Variants in FUT8 observed in about 807,000 individuals in gnomAD.
FUT8 encodes fucosyltransferase 8.
A neutral mutation model predicts 71.3 loss-of-function variants in FUT8; 29 were observed. That is an observed-to-expected ratio of 0.41 (90% CI 0.30 to 0.55). The LOEUF (loss-of-function observed/expected upper bound fraction) is 0.55, where lower values mean the gene tolerates loss of function less well. Ranked by LOEUF, FUT8 falls within the 20% of genes least tolerant of loss-of-function variation. The pLI is 0.34. For missense variants in FUT8, 544 were observed against 702.1 expected, an observed-to-expected ratio of 0.77 and a Z score of 2.55; for synonymous variants, 254 against 239.3, an observed-to-expected ratio of 1.06 and a Z score of -0.57.
At chr14:65,725,721 G>A (rs1419498951) in intron 9 of FUT8, among the ~76,000 whole-genome samples, 1 of 152,066 alleles carries the variant, frequency 6.6e-6, no homozygotes, top group Non-Finnish European at 1.5e-5. Context: ...AATATTAAAT[G>A]GTATTGATTT....
At chr14:65,671,604 A>C (rs577256573) in intron 7 of FUT8, among the ~76,000 whole-genome samples, 1 of 152,206 alleles carries the variant, frequency 6.6e-6, no homozygotes, top group Non-Finnish European at 1.5e-5. Flanking sequence ...AGAATAATCT[A>C]CCATCATTAC....
chr14:65,704,698 T>C (rs1387529595), intron 7 of FUT8, among the ~76,000 whole-genome samples: 1 of 152,234 alleles, frequency 6.6e-6, no homozygotes, highest in Non-Finnish European at 1.5e-5. Flanking sequence ...TTTATATGTT[T>C]ATAAGTTAAA....
At chr14:65,717,183 C>T (rs1411913211) in intron 7 of FUT8, among the ~76,000 whole-genome samples, 10 of 108,578 alleles carry the variant, frequency 9.2e-5, no homozygotes, top group Non-Finnish European at 1.5e-4. Context: ...ACCTCCCAGA[C>T]GGGGCGGCCG....
At chr14:65,360,176 A>C in the FUT8 span, among the ~76,000 whole-genome samples, 1 of 152,198 alleles carries the variant, frequency 6.6e-6, no homozygotes, top group Non-Finnish European at 1.5e-5. Flanking sequence ...GCCCTCATGC[A>C]TCCTCTGATA....
chr14:65,511,933 T>C (rs1327134561), intron 2 of FUT8, among the ~76,000 whole-genome samples: 1 of 152,156 alleles, frequency 6.6e-6, no homozygotes, highest in African/African-American at 2.4e-5. Context: ...TTCCTGCCAT[T>C]TTGTAATTTG....
Position 65,742,348 on chromosome 14 carries a change from T to A in FUT8, c.1666T>A (p.Tyr556Asn). Residue 556 changes from tyrosine (Y) to asparagine (N), a missense_variant, in exon 11 of 11, where the codon TAC becomes AAC. Coordinates refer to ENST00000673929, the MANE Select transcript of FUT8 (RefSeq NM_001371533.1). ...GGGAAGGACGGGCCTATATCCCTCCTACAAAGTTCGAGAGAAGATAGAAAC... is the reference window on the plus strand; with the variant it reads ...GGGAAGGACGGGCCTATATCCCTCCAACAAAGTTCGAGAGAAGATAGAAAC... ...KLGRTGLYPS[Y>N]KVREKIETVK... 6.2e-7 allele frequency: 1 copy of A among 1,612,766 alleles called. No individual in the cohort carries two copies. Among genetic ancestry groups the A allele is most frequent in the Non-Finnish European group, 8.5e-7 (1 of 1,179,220 alleles).
the FUT8 span, among the ~76,000 whole-genome samples, chr14:65,385,761 C>G: frequency 1.2e-4 from 18 of 152,078 alleles, no homozygotes; most frequent in Non-Finnish European, 2.2e-4. Flanking sequence ...AGGCTGGTCT[C>G]AAACTCCTGG....
chr14:65,506,485 G>T (rs1268702676), intron 2 of FUT8, among the ~76,000 whole-genome samples: 4 of 152,100 alleles, frequency 2.6e-5, no homozygotes, highest in Non-Finnish European at 1.5e-5. Flanking sequence ...GCTTTCTACT[G>T]TTTTTTATTT....
intron 1 of FUT8, among the ~76,000 whole-genome samples, chr14:65,421,250 T>C (rs1302250744): frequency 6.6e-6 from 1 of 150,440 alleles, no homozygotes; most frequent in Non-Finnish European, 1.5e-5. Flanking sequence ...TACTCTTCAT[T>C]AAGTGGAAGT....
chr14:65,725,615 C>G (rs1024098262), intron 9 of FUT8, among the ~76,000 whole-genome samples: 3 of 152,192 alleles, frequency 2.0e-5, no homozygotes, highest in African/African-American at 7.2e-5. Flanking sequence ...CTGTACAGTT[C>G]TCTGTTGTAG....
upstream of FUT8, among the ~76,000 whole-genome samples, chr14:65,409,922 A>G (rs2065104814): frequency 6.6e-6 from 1 of 152,204 alleles, no homozygotes; most frequent in Non-Finnish European, 1.5e-5. This position sits in a 1 kb window ranked among gnomAD's most constrained non-coding sequence, Gnocchi z 5.4. Context: ...GGAGGGGTGG[A>G]GTAAGAGGTG....
chr14:65,691,881 A>C (rs985708491), intron 7 of FUT8, among the ~76,000 whole-genome samples: 1 of 152,212 alleles, frequency 6.6e-6, no homozygotes, highest in African/African-American at 2.4e-5. Flanking sequence ...AACCCTGAGT[A>C]GACACAGCTC....
At position 65,603,375 on chromosome 14, in the gene FUT8, T is replaced by TA. The variant is rs1225804200; in HGVS notation, c.204-12602dup. On this transcript the variant is annotated intron_variant, in intron 3 of 10. Coordinates refer to ENST00000673929, the MANE Select transcript of FUT8 (RefSeq NM_001371533.1). This position sits in a 1 kb window ranked among gnomAD's most constrained non-coding sequence, Gnocchi z 4.5. ...CCACTACCACACTGTTTCGGTGACT[T>TA]ACGGCCGTATAGTATGGTTTGAAAT... Among the ~76,000 whole-genome samples the TA allele has an allele frequency of 3.3e-5, 5 of 151,804 alleles. No homozygotes were observed. The highest frequency in any genetic ancestry group is 9.7e-5 in the African/African-American group (4 of 41,406).
intron 10 of FUT8, among the ~76,000 whole-genome samples, chr14:65,741,491 C>T (rs1288256948): frequency 1.3e-5 from 2 of 151,980 alleles, no homozygotes; most frequent in Non-Finnish European, 2.9e-5. Context: ...GGGTGCAGCA[C>T]ACCAACATGG....
At chr14:65,558,269 T>TAC (rs1885704890) in intron 2 of FUT8, among the ~76,000 whole-genome samples, 1 of 149,618 alleles carries the variant, frequency 6.7e-6, no homozygotes, top group Non-Finnish European at 1.5e-5. Flanking sequence ...GAGGTGGAAG[T>TAC]TGTAGTGAGC....
chr14:65,630,633 G>A (rs1285826978), intron 6 of FUT8, among the ~76,000 whole-genome samples: 1 of 152,168 alleles, frequency 6.6e-6, no homozygotes, highest in Non-Finnish European at 1.5e-5. Flanking sequence ...AAGGTATGTG[G>A]CAGTTTGCTT....
At chr14:65,571,533 A>T (rs1377706560) in intron 3 of FUT8, among the ~76,000 whole-genome samples, 1 of 152,066 alleles carries the variant, frequency 6.6e-6, no homozygotes, top group African/African-American at 2.4e-5. Flanking sequence ...AGGAAAATTC[A>T]TTTTTCAACC....
At chr14:65,408,222 C>T (rs142958354), upstream of FUT8, among the ~76,000 whole-genome samples, 29 of 152,162 alleles carry the variant, frequency 1.9e-4, no homozygotes, top group Non-Finnish European at 3.1e-4. Flanking sequence ...AGAGGCTTTA[C>T]CGATACTTTC....
chr14:65,517,951 G>GAGCT (rs1260321438), intron 2 of FUT8, among the ~76,000 whole-genome samples: 1 of 138,132 alleles, frequency 7.2e-6, no homozygotes, highest in African/African-American at 2.7e-5. Flanking sequence ...TTTCACAGCA[G>GAGCT]AGCTGCTTTG....
Sources: gnomAD v4.1 joint callset for allele counts (sites outside exome capture counted in the v4.1 genomes callset) on GRCh38, gnomAD v4.1.1 for gene constraint, Gnocchi (gnomAD v3.1) non-coding constraint, MANE v1.5 for transcripts, NCBI Gene and HGNC (gene_info 2026-07-23, HGNC 2026-07-21) for gene names.